Variants in MOXD1 observed in about 807,000 individuals in gnomAD.
The protein encoded by MOXD1 is DBH-like monooxygenase protein 1.
A neutral mutation model predicts 66.6 loss-of-function variants in MOXD1; 62 were observed. That is an observed-to-expected ratio of 0.93 (90% CI 0.76 to 1.15). The LOEUF (loss-of-function observed/expected upper bound fraction) is 1.15, where lower values mean the gene tolerates loss of function less well. Among genes scored for constraint, MOXD1 ranks in the 50% most tolerant of loss-of-function variants. The probability of loss-of-function intolerance (pLI) is 0.00; values close to 1 mark genes in which losing one functional copy is unlikely to be tolerated. For missense variants in MOXD1, 847 were observed against 754.6 expected (o/e 1.12, Z -1.44); for synonymous variants, 303 against 281.9 (o/e 1.07, Z -0.75).
Position 132,315,727 on chromosome 6 carries a change from G to T in MOXD1, c.1416C>A (p.Tyr472Ter), listed in dbSNP as rs768929319. The T allele has an allele frequency of 6.2e-7, 1 of 1,613,304 alleles. No individual in the cohort carries two copies. Among genetic ancestry groups the T allele is most frequent in the Non-Finnish European group, 8.5e-7 (1 of 1,179,472 alleles). Residue 472 changes from tyrosine (Y) to a stop codon, truncating the protein, a stop_gained, in exon 10 of 12, where the codon TAC (tyrosine) becomes TAA (stop). Transcript: ENST00000367963. LOFTEE classifies it high-confidence loss of function. Reference sequence around the variant, plus strand: ...CACATCGAGTAAGATTAATTCTTGGGTAATAAAGAAGGTATGAGAGACACA... The same window carrying T: ...CACATCGAGTAAGATTAATTCTTGGTTAATAAAGAAGGTATGAGAGACACA... The part of the protein sequence containing the change: ...SEMCLSYLLY[Y>*]PRINLTRCAS...
chr6:132,331,714 GACA>G (rs1775322733), intron 4 of MOXD1, among the ~76,000 whole-genome samples: 1 of 152,106 alleles, frequency 6.6e-6, no homozygotes, highest in Non-Finnish European at 1.5e-5. Flanking sequence ...TCAGAGATTA[GACA>G]ACAAGCCCAA....
intron 4 of MOXD1, among the ~76,000 whole-genome samples, chr6:132,338,391 C>T (rs998085969): frequency 6.6e-6 from 1 of 152,182 alleles, no homozygotes; most frequent in African/African-American, 2.4e-5. Context: ...CAACTTTCCT[C>T]GGAGGACTAC....
intron 1 of MOXD1, chr6:132,375,091 T>C: frequency 2.4e-6 from 1 of 423,346 alleles, no homozygotes; most frequent in Non-Finnish European, 4.2e-6. Flanking sequence ...TATAGCACTA[T>C]GAAATGTCTT....
chr6:132,304,657 C>T (rs2114533454), intron 10 of MOXD1, among the ~76,000 whole-genome samples: 1 of 152,278 alleles, frequency 6.6e-6, no homozygotes, highest in East Asian at 1.9e-4. Context: ...TTTAATGTAA[C>T]TTGTTGTGTA....
intron 6 of MOXD1, among the ~76,000 whole-genome samples, chr6:132,327,335 G>A (rs1034882294): frequency 6.7e-6 from 1 of 149,044 alleles, no homozygotes; most frequent in Non-Finnish European, 1.5e-5. Context: ...AACAGCATCT[G>A]TTTTTCACTC....
chr6:132,373,933 T>TAAA (rs1190562499), intron 2 of MOXD1, among the ~76,000 whole-genome samples: 1 of 152,326 alleles, frequency 6.6e-6, no homozygotes, highest in East Asian at 1.9e-4. Context: ...TTTTTCTGCC[T>TAAA]CGTTCACTCT....
At chr6:132,396,272 CA>C (rs1461024307) in intron 1 of MOXD1, among the ~76,000 whole-genome samples, 8 of 151,854 alleles carry the variant, frequency 5.3e-5, no homozygotes, top group African/African-American at 1.7e-4. Flanking sequence ...GAAAATTAAA[CA>C]ACATACTCCT....
chr6:132,401,190 C>T lies in MOXD1; in HGVS notation c.237G>A (p.Gly79=), dbSNP rs1209512857. Residue 79 remains glycine (G), a synonymous_variant, in exon 1 of 12, where the codon GGG becomes GGA. Transcript: ENST00000367963. The stretch of plus-strand genomic sequence containing the variant: ...GGAGGTAGGGCCGCCCGTGGGCCAC[C>T]CCGCCCACGACGATGTCGGCGGACG... The part of the protein sequence containing the change: ...AMASADIVVG[G]VAHGRPYLQD... The T allele has an allele frequency of 5.2e-6, 8 of 1,544,274 alleles. No homozygotes were observed. The Admixed American group carries it at 1.3e-4, about 26-fold the overall frequency.
intron 9 of MOXD1, among the ~76,000 whole-genome samples, chr6:132,319,092 T>A (rs1235383898): frequency 6.6e-6 from 1 of 152,010 alleles, no homozygotes; most frequent in Non-Finnish European, 1.5e-5. Context: ...GTAGATTGTT[T>A]TCTATCTTGT....
chr6:132,328,065 A>T lies in MOXD1; in HGVS notation c.894T>A (p.Asp298Glu), dbSNP rs146625320. The T allele has an allele frequency of 2.3e-4, 365 of 1,613,992 alleles. 3 individuals carry two copies. In the South Asian group the frequency reaches 3.8e-3, roughly 17 times the overall value. The change falls in exon 6 of 12, where the codon GAT becomes GAA. Residue 298 changes from aspartate (D) to glutamate (E), a missense_variant. By Grantham distance (45) the Asp-to-Glu change is conservative. Transcript: ENST00000367963. Reference protein sequence around the residue: ...HVGLSLGTPLDPHYVLLEVHY... With the variant: ...HVGLSLGTPLEPHYVLLEVHY... The stretch of plus-strand genomic sequence containing the variant: ...GGACTTCTAGGAGCACATAATGCGG[A>T]TCTAATGGAGTGCCAAGGGATAATC...
intron 4 of MOXD1, among the ~76,000 whole-genome samples, chr6:132,369,300 C>A (rs1776214985): frequency 6.6e-6 from 1 of 152,052 alleles, no homozygotes; most frequent in Non-Finnish European, 1.5e-5. Flanking sequence ...CTGTTCATGT[C>A]TTCTACCCAC....
At chr6:132,308,697 G>T (rs918929646) in intron 10 of MOXD1, among the ~76,000 whole-genome samples, 3 of 152,260 alleles carry the variant, frequency 2.0e-5, no homozygotes, top group South Asian at 2.1e-4. Flanking sequence ...TCATCCCTGG[G>T]ATACAAGGCA....
At chr6:132,369,139 G>C (rs1275396155) in intron 4 of MOXD1, among the ~76,000 whole-genome samples, 5 of 152,056 alleles carry the variant, frequency 3.3e-5, no homozygotes, top group Non-Finnish European at 2.9e-5. Flanking sequence ...GGCTACTACT[G>C]ATCAGAATCT....
intron 1 of MOXD1, among the ~76,000 whole-genome samples, chr6:132,376,144 C>G (rs1776373712): frequency 6.6e-6 from 1 of 152,054 alleles, no homozygotes; most frequent in Admixed American, 6.6e-5. Flanking sequence ...TTTTTCAGTA[C>G]CTGATGATAT....
chr6:132,368,771 TG>T (rs1776197839), intron 4 of MOXD1, among the ~76,000 whole-genome samples: 1 of 152,108 alleles, frequency 6.6e-6, no homozygotes, highest in Non-Finnish European at 1.5e-5. Flanking sequence ...ATTATAAGTA[TG>T]AAATGTATGC....
At chr6:132,379,167 A>G (rs1562297851) in intron 1 of MOXD1, among the ~76,000 whole-genome samples, 1 of 152,022 alleles carries the variant, frequency 6.6e-6, no homozygotes, top group African/African-American at 2.4e-5. Context: ...AGCAACATAA[A>G]AAAAGAATAA....
chr6:132,398,806 A>G (rs7755532), intron 1 of MOXD1, among the ~76,000 whole-genome samples: 30,339 of 151,218 alleles, frequency 0.2, 3,190 homozygotes, highest in Middle Eastern at 0.26. Context: ...TGGCATGGTG[A>G]CAGGCGCCTG....
At chr6:132,298,875 G>C (rs1337502407) in intron 10 of MOXD1, among the ~76,000 whole-genome samples, 1 of 152,092 alleles carries the variant, frequency 6.6e-6, no homozygotes, top group Non-Finnish European at 1.5e-5. Context: ...ATTTCTCAAA[G>C]AACTTAAAAC....
chr6:132,381,583 A>C (rs1053822715), intron 1 of MOXD1, among the ~76,000 whole-genome samples: 16 of 152,204 alleles, frequency 1.1e-4, no homozygotes, highest in African/African-American at 3.9e-4. Flanking sequence ...CACAGTCAGC[A>C]ATAAAACCAT....
Sources: allele counts gnomAD v4.1 joint callset (sites outside exome capture counted in the v4.1 genomes callset), GRCh38; gene constraint gnomAD v4.1.1; transcripts MANE v1.5; gene names NCBI Gene and HGNC (gene_info 2026-07-23, HGNC 2026-07-21).